Variants in LPIN1 observed in about 807,000 individuals in gnomAD.
LPIN1 encodes lipin 1, also known as phosphatidate phosphatase LPIN1.
A neutral mutation model predicts 107.5 loss-of-function variants in LPIN1; 71 were observed. That is an observed-to-expected ratio of 0.66 (90% CI 0.55 to 0.80). The LOEUF (loss-of-function observed/expected upper bound fraction) is 0.80, where lower values mean the gene tolerates loss of function less well. LPIN1 is among the 30% of genes least tolerant of loss of function. The pLI, the probability that LPIN1 is intolerant of heterozygous loss-of-function variation, is 0.00. For synonymous variants in LPIN1, 445 were observed against 452.6 expected (o/e 0.98, Z 0.21); for missense variants, 1,043 against 1,160.6 (o/e 0.90, Z 1.47).
intron 1 of LPIN1, among the ~76,000 whole-genome samples, chr2:11,701,827 C>T (rs777567870): frequency 1.3e-5 from 2 of 152,190 alleles, no homozygotes; most frequent in Admixed American, 6.5e-5. Flanking sequence ...TGGTATTATC[C>T]GTGGGTGTAG....
At chr2:11,715,165 G>A (rs1418025569) in intron 2 of LPIN1, among the ~76,000 whole-genome samples, 1 of 152,136 alleles carries the variant, frequency 6.6e-6, no homozygotes, top group African/African-American at 2.4e-5. Context: ...TGGGAGCGCA[G>A]GCCACATAGT....
intron 6 of LPIN1, 93 bp from the exon 7 acceptor site, chr2:11,779,426 A>G (rs1021758369): frequency 3.6e-6 from 5 of 1,370,798 alleles, no homozygotes; most frequent in Admixed American, 1.7e-5. Flanking sequence ...CTGGGGGTGC[A>G]TTTTCTGGGC....
intron 1 of LPIN1, among the ~76,000 whole-genome samples, chr2:11,688,801 A>G (rs1053771006): frequency 3.3e-5 from 5 of 152,236 alleles, no homozygotes; most frequent in Non-Finnish European, 5.9e-5. Context: ...AGTTCAAAAT[A>G]AAGGAGAAAG....
rs895771915 is a variant in LPIN1 at position 11,819,216 on chromosome 2, A to G, written c.2403-268A>G. 6 of 425,084 alleles carry G rather than the reference A, an allele frequency of 1.4e-5. No homozygotes were observed. In the East Asian group the frequency reaches 2.2e-4, roughly 16 times the overall value. 26.3% of individuals were successfully genotyped at this position (425,084 alleles called of 1,614,324 possible). A position where few individuals can be genotyped will look rare whatever the true frequency, so the allele number is the denominator to read the frequency against. Reference sequence around the variant, plus strand: ...TTTGGAGATGTTCTTTTTTGTTTTTATGCTCTGTCATTCTTTGTTCCCTGG... The same window carrying G: ...TTTGGAGATGTTCTTTTTTGTTTTTGTGCTCTGTCATTCTTTGTTCCCTGG... On this transcript the variant is annotated intron_variant, in intron 18 of 20. Transcript: ENST00000674199.
At chr2:11,767,607 TC>T in intron 2 of LPIN1, 155 bp from the exon 3 acceptor site, 1 of 681,460 alleles carries the variant, frequency 1.5e-6, no homozygotes, top group East Asian at 2.7e-5. Context: ...AAGTGACAGT[TC>T]CCTTGGATGG....
At chr2:11,681,387 A>C (rs1033526852) in intron 1 of LPIN1, 2 of 152,230 alleles carry the variant, frequency 1.3e-5, no homozygotes, top group Admixed American at 1.3e-4. Context: ...CTCATGAGAG[A>C]TCTGGTTGGT....
chr2:11,772,843 T>C (rs1672078584), intron 4 of LPIN1, among the ~76,000 whole-genome samples: 1 of 152,268 alleles, frequency 6.6e-6, no homozygotes, highest in African/African-American at 2.4e-5. Flanking sequence ...AGTATCTTCC[T>C]GTGTCATTAT....
At chr2:11,778,021 A>AACACGTGAC (rs1287229111) in intron 6 of LPIN1, among the ~76,000 whole-genome samples, 1 of 152,204 alleles carries the variant, frequency 6.6e-6, no homozygotes, top group Admixed American at 6.5e-5. Flanking sequence ...AGTGATACCG[A>AACACGTGAC]ACACGTGACT....
chr2:11,744,261 T>G, upstream of LPIN1, among the ~76,000 whole-genome samples: 1 of 152,204 alleles, frequency 6.6e-6, no homozygotes, highest in East Asian at 1.9e-4. Context: ...CTCTCCTGGC[T>G]GAGTCACTGC....
rs144487890 is a variant in LPIN1 at position 11,731,554 on chromosome 2, T to C, written c.-72+7015T>C. 1.0e-2 allele frequency among the ~76,000 whole-genome samples: 1,521 copies of C among 152,346 alleles called. 21 individuals carry two copies. Among genetic ancestry groups the C allele is most frequent in the African/African-American group, 0.034 (1,430 of 41,574 alleles). On this transcript the variant is annotated intron_variant, in intron 1 of 21. Coordinates refer to the LPIN1 transcript ENST00000396097. ...AAACATACATGTGCATGTGTCTTTATAGTAGAAGGATTTATAATCCTTTGG... is the reference window on the plus strand; with the variant it reads ...AAACATACATGTGCATGTGTCTTTACAGTAGAAGGATTTATAATCCTTTGG...
intron 9 of LPIN1, 88 bp from the exon 10 acceptor site, chr2:11,784,798 C>T (rs1211647890): frequency 8.0e-7 from 1 of 1,253,666 alleles, no homozygotes; most frequent in East Asian, 2.3e-5. Flanking sequence ...CTGAGGGTGG[C>T]CGCGTGCCAG....
chr2:11,778,103 G>A (rs1672961837), intron 6 of LPIN1, among the ~76,000 whole-genome samples: 2 of 151,472 alleles, frequency 1.3e-5, no homozygotes, highest in South Asian at 4.2e-4. Flanking sequence ...AGAGCAAGGA[G>A]GTTGAAAGGC....
rs766257551 is a variant in LPIN1 at position 11,782,452 on chromosome 2, C to G, written c.1209C>G (p.Pro403=). ...LLPMIEELKP[P]SASVVQTANK... ...CCATGATCGAGGAGCTCAAACCCCC[C>G]TCTGCCAGTGTAGTCCAGACAGCAA... The change falls in exon 8 of 21, where the codon CCC becomes CCG. Residue 403 remains proline, a synonymous_variant. Coordinates refer to ENST00000674199, the MANE Select transcript of LPIN1 (RefSeq NM_001349206.2). The G allele has an allele frequency of 3.1e-6, 5 of 1,614,188 alleles. No homozygotes were observed. Among genetic ancestry groups the G allele is most frequent in the Non-Finnish European group, 4.2e-6 (5 of 1,180,038 alleles).
chr2:11,698,175 T>C (rs937031273), intron 1 of LPIN1, among the ~76,000 whole-genome samples: 2 of 152,114 alleles, frequency 1.3e-5, no homozygotes, highest in Non-Finnish European at 2.9e-5. Context: ...TCACTTGACG[T>C]CATGGCAAGC....
At chr2:11,704,861 G>A (rs951406410) in intron 1 of LPIN1, among the ~76,000 whole-genome samples, 2 of 152,208 alleles carry the variant, frequency 1.3e-5, no homozygotes, top group African/African-American at 4.8e-5. Flanking sequence ...TGTGTCAGAT[G>A]TCTGGGTGAA....
At chr2:11,770,285 G>A (rs1406849925) in intron 3 of LPIN1, among the ~76,000 whole-genome samples, 1 of 152,172 alleles carries the variant, frequency 6.6e-6, no homozygotes, top group Admixed American at 6.5e-5. Context: ...TGGGGCCTTG[G>A]AGGCCAGAGT....
At chr2:11,767,934 A>AGTTTGTGT in intron 3 of LPIN1, 76 bp downstream of exon 3, 2 of 963,562 alleles carry the variant, frequency 2.1e-6, no homozygotes, top group South Asian at 2.6e-5. Context: ...ACACGGCAGA[A>AGTTTGTGT]GTTTGTGCAA....
chr2:11,751,043 A>G (rs1667712681), intron 1 of LPIN1, among the ~76,000 whole-genome samples: 1 of 152,238 alleles, frequency 6.6e-6, no homozygotes, highest in Non-Finnish European at 1.5e-5. Context: ...AAAGGATCGG[A>G]GTCAAAGCCT....
At chr2:11,685,513 T>G (rs1163230258) in intron 1 of LPIN1, among the ~76,000 whole-genome samples, 2 of 152,168 alleles carry the variant, frequency 1.3e-5, no homozygotes, top group Admixed American at 6.5e-5. Context: ...TCGAATAAAC[T>G]CTTTAGAATT....
Sources: allele counts gnomAD v4.1 joint callset (sites outside exome capture counted in the v4.1 genomes callset), GRCh38; gene constraint gnomAD v4.1.1; transcripts MANE v1.5; gene names NCBI Gene and HGNC (gene_info 2026-07-23, HGNC 2026-07-21).